Variants in UNC13C observed in about 807,000 individuals in gnomAD.
UNC13C encodes the protein protein unc-13 homolog C.
A neutral mutation model predicts 245.4 loss-of-function variants in UNC13C; 174 were observed. That is an observed-to-expected ratio of 0.71 (90% confidence interval 0.63 to 0.80). UNC13C has a LOEUF of 0.80. Among genes scored for constraint, UNC13C ranks in the 30% least tolerant of loss-of-function variants. The pLI is 0.00. For synonymous variants in UNC13C, 992 were observed against 895.1 expected (o/e 1.11, Z -1.93); for missense variants, 2,829 against 2,602.9 (o/e 1.09, Z -1.89).
At chr15:54,547,143 C>T (rs1029996340) in intron 27 of UNC13C, among the ~76,000 whole-genome samples, 4 of 152,028 alleles carry the variant, frequency 2.6e-5, no homozygotes, top group African/African-American at 7.2e-5. Context: ...TTAATTTTAC[C>T]GACCTCAAGA....
intron 24 of UNC13C, among the ~76,000 whole-genome samples, chr15:54,523,981 G>A (rs1250265166): frequency 6.6e-6 from 1 of 152,208 alleles, no homozygotes; most frequent in African/African-American, 2.4e-5. Context: ...CAGCCTGCAT[G>A]ATTCCTTAGG....
At chr15:54,192,910 A>G (rs2034234905) in intron 4 of UNC13C, among the ~76,000 whole-genome samples, 1 of 152,054 alleles carries the variant, frequency 6.6e-6, no homozygotes. Flanking sequence ...ACACACACAC[A>G]CACACACACA....
chr15:54,000,076 C>T (rs1391588392), intron 1 of UNC13C, among the ~76,000 whole-genome samples: 1 of 151,930 alleles, frequency 6.6e-6, no homozygotes, highest in East Asian at 1.9e-4. Context: ...CCATATTTTC[C>T]TTACTTCAAA....
intron 4 of UNC13C, among the ~76,000 whole-genome samples, chr15:54,167,267 C>G (rs1410851110): frequency 6.6e-6 from 1 of 151,940 alleles, no homozygotes; most frequent in Non-Finnish European, 1.5e-5. Flanking sequence ...CGTTGGGAGG[C>G]CGAGGCAGGC....
At chr15:54,117,574 T>G (rs1322240249) in intron 2 of UNC13C, among the ~76,000 whole-genome samples, 1 of 150,870 alleles carries the variant, frequency 6.6e-6, no homozygotes, top group Non-Finnish European at 1.5e-5. Flanking sequence ...TCTCATTTTC[T>G]CTATCTCTAG....
intron 30 of UNC13C, among the ~76,000 whole-genome samples, chr15:54,593,358 C>T (rs2141258681): frequency 6.6e-6 from 1 of 152,246 alleles, no homozygotes; most frequent in South Asian, 2.1e-4. Flanking sequence ...GTCCAGGTTT[C>T]TATCAAGGCC....
chr15:54,500,217 A>G, intron 21 of UNC13C, 42 bp downstream of exon 21: 1 of 1,428,890 alleles, frequency 7.0e-7, no homozygotes, highest in Admixed American at 1.9e-5. Flanking sequence ...GCCATGATTC[A>G]GTCACATTGC....
chr15:54,428,325 C>G (rs1028782813), intron 19 of UNC13C, among the ~76,000 whole-genome samples: 1 of 151,644 alleles, frequency 6.6e-6, no homozygotes, highest in African/African-American at 2.4e-5. Flanking sequence ...TGTCTCTGAA[C>G]TCATCTCCTT....
At chr15:54,008,099 T>A (rs1895222967) in intron 1 of UNC13C, among the ~76,000 whole-genome samples, 1 of 152,242 alleles carries the variant, frequency 6.6e-6, no homozygotes, top group African/African-American at 2.4e-5. Context: ...AGCAATAAAT[T>A]TTTGACTGTT....
chr15:54,361,875 A>C (rs996801635), intron 17 of UNC13C, among the ~76,000 whole-genome samples: 1 of 152,082 alleles, frequency 6.6e-6, no homozygotes, highest in African/African-American at 2.4e-5. Flanking sequence ...AAGAACTTAA[A>C]TGCTATACCA....
At chr15:53,989,812 C>A (rs1894304005) in intron 1 of UNC13C, among the ~76,000 whole-genome samples, 1 of 152,032 alleles carries the variant, frequency 6.6e-6, no homozygotes, top group African/African-American at 2.4e-5. Context: ...GCTACTCTGA[C>A]AGCTGCTTTA....
At chr15:54,278,872 C>T (rs2036903532) in intron 10 of UNC13C, among the ~76,000 whole-genome samples, 1 of 152,116 alleles carries the variant, frequency 6.6e-6, no homozygotes, top group African/African-American at 2.4e-5. Flanking sequence ...ATCAGTCTTA[C>T]CTCTTTATCA....
At chr15:54,457,800 A>G (rs1891612049) in intron 19 of UNC13C, among the ~76,000 whole-genome samples, 1 of 143,768 alleles carries the variant, frequency 7.0e-6, no homozygotes, top group Non-Finnish European at 1.5e-5. Flanking sequence ...TGATCTTTTG[A>G]TTTTGTTTAT....
At chr15:54,257,301 T>C (rs1265550848) in intron 8 of UNC13C, among the ~76,000 whole-genome samples, 6 of 152,214 alleles carry the variant, frequency 3.9e-5, no homozygotes, top group African/African-American at 1.4e-4. Context: ...TTTGTTCCCC[T>C]AAACAATATA....
At chr15:54,566,759 A>G (rs994812819) in intron 29 of UNC13C, among the ~76,000 whole-genome samples, 10 of 152,128 alleles carry the variant, frequency 6.6e-5, no homozygotes, top group Admixed American at 5.2e-4. Flanking sequence ...AAATCAGCTC[A>G]TTGAAATGTC....
chr15:54,524,392 C>A (rs1418146868), intron 24 of UNC13C, among the ~76,000 whole-genome samples: 1 of 152,156 alleles, frequency 6.6e-6, no homozygotes, highest in Non-Finnish European at 1.5e-5. Flanking sequence ...CAGAAGCTAA[C>A]CAATCCTGAA....
the UNC13C span, among the ~76,000 whole-genome samples, chr15:53,876,705 G>T: frequency 2.0e-5 from 3 of 151,792 alleles, no homozygotes; most frequent in Admixed American, 2.0e-4. Context: ...CCACAAAGTG[G>T]GTATAAACTG....
intron 18 of UNC13C, among the ~76,000 whole-genome samples, chr15:54,397,272 G>C (rs941514779): frequency 6.6e-6 from 1 of 151,218 alleles, no homozygotes; most frequent in Non-Finnish European, 1.5e-5. Flanking sequence ...ATCTCTACTT[G>C]TTGAAAATTA....
intron 2 of UNC13C, among the ~76,000 whole-genome samples, chr15:54,039,555 C>G (rs537752347): frequency 6.5e-4 from 99 of 152,204 alleles, no homozygotes; most frequent in African/African-American, 2.0e-3. Flanking sequence ...TTCCAGTTTT[C>G]TAAGCCTGCA....
Sources: allele counts gnomAD v4.1 joint callset (sites outside exome capture counted in the v4.1 genomes callset), GRCh38; gene constraint gnomAD v4.1.1; transcripts MANE v1.5; gene names NCBI Gene and HGNC (gene_info 2026-07-23, HGNC 2026-07-21).